The following TBC1D22A variants were observed in gnomAD, a reference collection of about 807,000 sequenced individuals.
TBC1D22A encodes the protein TBC1 domain family member 22A, also known as putative GTPase activator.
Under a neutral mutation model 60.2 loss-of-function variants are expected in TBC1D22A, and 38 were observed. The ratio of observed to expected loss-of-function variants is 0.63; its 90% CI spans 0.49 to 0.83. TBC1D22A has a LOEUF of 0.83. TBC1D22A is among the 40% of genes least tolerant of loss of function. The pLI is 0.00. For synonymous variants in TBC1D22A, 302 were observed against 281.7 expected (o/e 1.07, Z -0.72); for missense variants, 628 against 701.0 (o/e 0.90, Z 1.18).
chr22:47,124,699 G>A (rs547036059), intron 12 of TBC1D22A, among the ~76,000 whole-genome samples: 5 of 152,314 alleles, frequency 3.3e-5, no homozygotes, highest in African/African-American at 1.2e-4. Context: ...GGGCCGCAGG[G>A]CGAGGGGGAC....
chr22:46,985,952 A>AT (rs1215983765), intron 9 of TBC1D22A, among the ~76,000 whole-genome samples: 4 of 152,008 alleles, frequency 2.6e-5, no homozygotes, highest in African/African-American at 4.8e-5. Flanking sequence ...CGAATTTATC[A>AT]TTTTTTTTCT....
intron 9 of TBC1D22A, among the ~76,000 whole-genome samples, chr22:46,987,128 A>G (rs1000658899): frequency 2.0e-5 from 3 of 152,148 alleles, no homozygotes; most frequent in Non-Finnish European, 4.4e-5. Flanking sequence ...TGCATTTTTC[A>G]TGACTGAGCC....
intron 10 of TBC1D22A, among the ~76,000 whole-genome samples, chr22:47,000,669 C>T (rs1378994738): frequency 2.0e-5 from 3 of 151,992 alleles, no homozygotes; most frequent in African/African-American, 7.3e-5. Context: ...GTATGAGTTC[C>T]CACAGAATCA....
intron 12 of TBC1D22A, among the ~76,000 whole-genome samples, chr22:47,120,238 A>C (rs2066223120): frequency 6.6e-6 from 1 of 152,248 alleles, no homozygotes; most frequent in Non-Finnish European, 1.5e-5. Flanking sequence ...TCTGCCCTTA[A>C]GTAGAACTAA....
intron 12 of TBC1D22A, among the ~76,000 whole-genome samples, chr22:47,137,228 T>G (rs1353494740): frequency 6.6e-6 from 1 of 152,204 alleles, no homozygotes; most frequent in Non-Finnish European, 1.5e-5. Context: ...GGTGTTTGTT[T>G]TTTGAGATAA....
At chr22:46,864,929 G>A (rs1467566629) in intron 4 of TBC1D22A, among the ~76,000 whole-genome samples, 1 of 152,158 alleles carries the variant, frequency 6.6e-6, no homozygotes, top group East Asian at 1.9e-4. Context: ...GCTCCCATTT[G>A]GGCTCTGCCA....
intron 12 of TBC1D22A, among the ~76,000 whole-genome samples, chr22:47,142,547 C>T (rs1208787969): frequency 5.1e-4 from 64 of 125,408 alleles, no homozygotes; most frequent in Non-Finnish European, 7.1e-4. Flanking sequence ...CCCATCCATC[C>T]ACCCACCCAC....
chr22:47,073,513 A>C (rs140579803), intron 11 of TBC1D22A, among the ~76,000 whole-genome samples: 4 of 152,284 alleles, frequency 2.6e-5, no homozygotes, highest in African/African-American at 7.2e-5. Flanking sequence ...AAAACCATGA[A>C]GCCTCATAAA....
chr22:46,864,097 A>G (rs2066939002), intron 4 of TBC1D22A, among the ~76,000 whole-genome samples: 1 of 152,234 alleles, frequency 6.6e-6, no homozygotes. Flanking sequence ...CTCCACGTGC[A>G]TATTCCTTCC....
rs138975705 is a variant in TBC1D22A, at chr22:46,902,799, G to A, written c.900+7953G>A. Among the ~76,000 whole-genome samples, 1,192 of 150,416 alleles carry A rather than the reference G, an allele frequency of 7.9e-3. 9 individuals are homozygous for A. The highest frequency in any genetic ancestry group is 0.012 in the Non-Finnish European group (830 of 68,020). On this transcript the variant is annotated intron_variant, in intron 7 of 12. Transcript: ENST00000337137. The stretch of plus-strand genomic sequence containing the variant: ...AACACCAGCAGACAGACACCCGGTG[G>A]GCACGTGGGGACACGAAGACTCAGA...
At chr22:46,936,981 C>A (rs2071692976) in intron 8 of TBC1D22A, among the ~76,000 whole-genome samples, 1 of 151,644 alleles carries the variant, frequency 6.6e-6, no homozygotes, top group Admixed American at 6.5e-5. Flanking sequence ...TGACAGTCAT[C>A]ATGCTTGGCT....
chr22:46,929,167 T>C (rs962867637), intron 8 of TBC1D22A, among the ~76,000 whole-genome samples: 1 of 152,232 alleles, frequency 6.6e-6, no homozygotes, highest in Non-Finnish European at 1.5e-5. Flanking sequence ...GGAGATGTAA[T>C]TGGCAGCTTC....
At chr22:46,775,903 G>A (rs922041253) in intron 1 of TBC1D22A, among the ~76,000 whole-genome samples, 5 of 152,262 alleles carry the variant, frequency 3.3e-5, no homozygotes, top group African/African-American at 1.2e-4. Context: ...CACGTGCACA[G>A]TGAGGAAGAG....
intron 2 of TBC1D22A, chr22:46,792,944 G>C (rs2084483468): frequency 8.2e-7 from 1 of 1,220,376 alleles, no homozygotes; most frequent in South Asian, 1.8e-5. Context: ...GCCCTGGCCT[G>C]TCCTGGCCCC....
chr22:46,997,423 G>T (rs570444638), intron 9 of TBC1D22A, among the ~76,000 whole-genome samples: 1 of 152,182 alleles, frequency 6.6e-6, no homozygotes, highest in African/African-American at 2.4e-5. Flanking sequence ...ACCTGACATC[G>T]GGAAATACTG....
intron 11 of TBC1D22A, among the ~76,000 whole-genome samples, chr22:47,093,636 A>T (rs1331088554): frequency 6.6e-6 from 1 of 152,204 alleles, no homozygotes; most frequent in Admixed American, 6.5e-5. Context: ...AAAAGGACCT[A>T]GGAACACAGC....
At chr22:47,138,544 TCCCTC>T (rs1045304039) in intron 12 of TBC1D22A, among the ~76,000 whole-genome samples, 3 of 152,170 alleles carry the variant, frequency 2.0e-5, no homozygotes, top group African/African-American at 7.2e-5. Flanking sequence ...CCTTGCCTCT[TCCCTC>T]CCCTGAGCTG....
At chr22:47,112,369 C>A (rs1372372687) in intron 12 of TBC1D22A, among the ~76,000 whole-genome samples, 2 of 152,216 alleles carry the variant, frequency 1.3e-5, no homozygotes, top group African/African-American at 2.4e-5. Flanking sequence ...AGGCTCTGCA[C>A]CAGCTGGCTG....
At chr22:47,053,819 C>G (rs925927245) in intron 11 of TBC1D22A, among the ~76,000 whole-genome samples, 1 of 152,206 alleles carries the variant, frequency 6.6e-6, no homozygotes, top group Non-Finnish European at 1.5e-5. Context: ...CAGACATATA[C>G]CAGCGCATTT....
Sources: gnomAD v4.1 joint callset for allele counts (sites outside exome capture counted in the v4.1 genomes callset) on GRCh38, gnomAD v4.1.1 for gene constraint, MANE v1.5 for transcripts, NCBI Gene and HGNC (gene_info 2026-07-23, HGNC 2026-07-21) for gene names.